RBFOX3: variants seen among roughly 807,000 people sequenced by gnomAD.
RBFOX3 encodes the protein RNA binding fox-1 homolog 3.
A neutral mutation model predicts 48.7 loss-of-function variants in RBFOX3; 17 were observed. The observed-to-expected ratio is 0.35, with a 90% CI of 0.24 to 0.52. The LOEUF (loss-of-function observed/expected upper bound fraction) is 0.52, where lower values mean the gene tolerates loss of function less well. RBFOX3 is among the 20% of genes least tolerant of loss of function. RBFOX3 has a pLI of 0.94. For missense variants in RBFOX3, 382 were observed against 497.5 expected, an observed-to-expected ratio of 0.77 and a Z score of 2.21; for synonymous variants, 212 against 209.5, an observed-to-expected ratio of 1.01 and a Z score of -0.10.
chr17:79,618,399 C>T, the RBFOX3 span, among the ~76,000 whole-genome samples: 1 of 152,110 alleles, frequency 6.6e-6, no homozygotes, highest in Non-Finnish European at 1.5e-5. Flanking sequence ...ATAATACCAC[C>T]CAGAAAACAA....
chr17:79,232,865 C>A (rs568926540), intron 4 of RBFOX3, among the ~76,000 whole-genome samples: 1 of 152,290 alleles, frequency 6.6e-6, no homozygotes, highest in South Asian at 2.1e-4. Flanking sequence ...ACTGACAACA[C>A]CAAGGGTTGC....
At position 79,390,622 on chromosome 17, in the gene RBFOX3, C is replaced by T. The variant is rs1350907933; in HGVS notation, c.-174-82798G>A. 1.3e-5 allele frequency among the ~76,000 whole-genome samples: 2 copies of T among 152,142 alleles called. No individual in the cohort carries two copies. The highest frequency in any genetic ancestry group is 2.4e-5 in the African/African-American group (1 of 41,438). ...CCTCCCAAGTAGCTGGGATTACAGG[C>T]GCCTGCCACCAAACCCAGCTAATTT... On this transcript the variant is annotated intron_variant, in intron 2 of 14. Transcript: ENST00000693108. The surrounding 1 kb of genome is among the most constrained non-coding windows in gnomAD (Gnocchi z 4.2).
intron 11 of RBFOX3, 111 bp downstream of exon 11, chr17:79,097,181 C>CG (rs1039290582): frequency 7.6e-6 from 7 of 921,922 alleles, no homozygotes; most frequent in Admixed American, 6.4e-5. Flanking sequence ...CCTCCCCCCC[C>CG]CCAGGTCTGG....
Position 79,595,463 on chromosome 17 carries a change from G to A in RBFOX3, c.-320+15363C>T, listed in dbSNP as rs1169999157. ...CGCTTTAGGATTAAATCACACTGAC[G>A]GTTCTGCCGTCTTTCTTTTCCACGA... is the stretch of plus-strand genomic sequence containing the variant. On this transcript the variant is annotated intron_variant, in intron 1 of 14. Coordinates refer to ENST00000693108, the MANE Select transcript of RBFOX3 (RefSeq NM_001350451.2). Among the ~76,000 whole-genome samples, 5 of 152,318 alleles carry A rather than the reference G, an allele frequency of 3.3e-5. 1 individual carries two copies. The highest frequency in any genetic ancestry group is 2.0e-4 in the Admixed American group (3 of 15,300).
intron 4 of RBFOX3, among the ~76,000 whole-genome samples, chr17:79,177,209 T>TA: frequency 6.7e-6 from 1 of 149,836 alleles, no homozygotes; most frequent in African/African-American, 2.5e-5. Flanking sequence ...CCTCCTCCTC[T>TA]CCCCCCCCGC....
intron 1 of RBFOX3, among the ~76,000 whole-genome samples, chr17:79,584,134 T>C (rs941127549): frequency 6.6e-6 from 1 of 152,100 alleles, no homozygotes; most frequent in Non-Finnish European, 1.5e-5. Flanking sequence ...AACAAGCATA[T>C]GGAAAAATGC....
chr17:79,241,081 C>T (rs2062297007), intron 3 of RBFOX3, among the ~76,000 whole-genome samples: 1 of 152,148 alleles, frequency 6.6e-6, no homozygotes, highest in Admixed American at 6.5e-5. Context: ...GTTTAAGTCA[C>T]CTTCCCACCT....
At position 79,243,064 on chromosome 17, in the gene RBFOX3, G is replaced by A. The variant is rs1023621859; in HGVS notation, c.-73-7259C>T. Reference sequence around the variant, plus strand: ...TTTCTGGGGTTATGCCATTGATGATGTCATTTCAGCTTTACAACCACCCTA... The same window carrying A: ...TTTCTGGGGTTATGCCATTGATGATATCATTTCAGCTTTACAACCACCCTA... On this transcript the variant is annotated intron_variant, in intron 3 of 14. Coordinates refer to ENST00000693108, the MANE Select transcript of RBFOX3 (RefSeq NM_001350451.2). This position sits in a 1 kb window ranked among gnomAD's most constrained non-coding sequence, Gnocchi z 7.9. Among the ~76,000 whole-genome samples, 5 of 152,134 alleles carry A rather than the reference G, an allele frequency of 3.3e-5. No individual in the cohort carries two copies. Among genetic ancestry groups the A allele is most frequent in the African/African-American group, 1.2e-4 (5 of 41,424 alleles).
chr17:79,661,737 T>C, the RBFOX3 span, among the ~76,000 whole-genome samples: 1 of 152,190 alleles, frequency 6.6e-6, no homozygotes. Flanking sequence ...GATGCCCCAA[T>C]CATTCTATAT....
chr17:79,596,342 G>A (rs2093569015), intron 1 of RBFOX3, among the ~76,000 whole-genome samples: 5 of 152,228 alleles, frequency 3.3e-5, no homozygotes, highest in Admixed American at 3.3e-4. Context: ...CAGATCAGCG[G>A]GGTCCTTGTT....
At chr17:79,395,276 C>G (rs746375333) in intron 2 of RBFOX3, among the ~76,000 whole-genome samples, 44 of 152,346 alleles carry the variant, frequency 2.9e-4, no homozygotes, top group Non-Finnish European at 5.9e-4. Context: ...CTTGAGCAAG[C>G]CTTTGGCTCC....
At chr17:79,637,161 T>C in the RBFOX3 span, among the ~76,000 whole-genome samples, 1 of 152,040 alleles carries the variant, frequency 6.6e-6, no homozygotes, top group South Asian at 2.1e-4. Context: ...AAAGCAAACA[T>C]TGAAAGAGCT....
intron 2 of RBFOX3, among the ~76,000 whole-genome samples, chr17:79,371,938 T>C (rs1207142993): frequency 1.3e-5 from 2 of 152,054 alleles, no homozygotes; most frequent in Admixed American, 1.3e-4. Context: ...TCGAGGCTCC[T>C]AAGCAGGCCA....
intron 4 of RBFOX3, among the ~76,000 whole-genome samples, chr17:79,186,244 T>C (rs773008893): frequency 3.9e-5 from 6 of 152,220 alleles, no homozygotes; most frequent in Non-Finnish European, 8.8e-5. Context: ...GGACTGAGAA[T>C]AGCAGAATGG....
chr17:79,596,527 C>T (rs1023910644), intron 1 of RBFOX3, among the ~76,000 whole-genome samples: 3 of 152,290 alleles, frequency 2.0e-5, no homozygotes, highest in African/African-American at 4.8e-5. Flanking sequence ...GGCCACCCAC[C>T]GTGGGCCCAG....
rs2077914363 is a variant in RBFOX3 at position 79,477,101 on chromosome 17, TGG to T, written c.-175+5351_-175+5352del. Among the ~76,000 whole-genome samples the T allele has an allele frequency of 1.2e-3, 172 of 147,690 alleles. No individual in the cohort carries two copies. The highest frequency in any genetic ancestry group is 4.2e-3 in the African/African-American group (168 of 39,988). ...TACAAAAATTAGCCAGGCGTGGTGG[TGG>T]GCGCCTGTAATCCCAGTTACTCGGG... On this transcript the variant is annotated intron_variant, in intron 2 of 14. Coordinates refer to ENST00000693108, the MANE Select transcript of RBFOX3 (RefSeq NM_001350451.2). This position sits in a 1 kb window ranked among gnomAD's most constrained non-coding sequence, Gnocchi z 4.8.
At position 79,364,060 on chromosome 17, in the gene RBFOX3, A is replaced by G. The variant is rs578004352; in HGVS notation, c.-174-56236T>C. Reference sequence around the variant, plus strand: ...AGGTCCTCAGAGAATCCAGCCCTACAGGAAACAGCCACCAGCCACCCACCC... The same window carrying G: ...AGGTCCTCAGAGAATCCAGCCCTACGGGAAACAGCCACCAGCCACCCACCC... On this transcript the variant is annotated intron_variant, in intron 2 of 14. Coordinates refer to ENST00000693108, the MANE Select transcript of RBFOX3 (RefSeq NM_001350451.2). The surrounding 1 kb of genome is among the most constrained non-coding windows in gnomAD (Gnocchi z 5.1). 1.8e-4 allele frequency among the ~76,000 whole-genome samples: 28 copies of G among 152,280 alleles called. No homozygotes were observed. The South Asian group carries it at 5.2e-3, about 28-fold the overall frequency.
chr17:79,157,802 C>A (rs1056812699), intron 4 of RBFOX3, among the ~76,000 whole-genome samples: 6 of 152,206 alleles, frequency 3.9e-5, no homozygotes, highest in Non-Finnish European at 8.8e-5. Flanking sequence ...ACACCCCACT[C>A]CCTGGCTGGC....
At position 79,299,596 on chromosome 17, in the gene RBFOX3, G is replaced by C. The variant is rs999211694; in HGVS notation, c.-74+8128C>G. ...CTGCGCCATTTCCTACCAGGGGTTT[G>C]AGCATCGTCAGATCGTGGGGTTTTT... On this transcript the variant is annotated intron_variant, in intron 3 of 14. Transcript: ENST00000693108. This position sits in a 1 kb window ranked among gnomAD's most constrained non-coding sequence, Gnocchi z 4.5. 6.6e-6 allele frequency among the ~76,000 whole-genome samples: 1 copy of C among 152,182 alleles called. No homozygotes were observed. The highest frequency in any genetic ancestry group is 6.5e-5 in the Admixed American group (1 of 15,286).
Sources: gnomAD v4.1 joint callset for allele counts (sites outside exome capture counted in the v4.1 genomes callset) on GRCh38, gnomAD v4.1.1 for gene constraint, Gnocchi (gnomAD v3.1) non-coding constraint, MANE v1.5 for transcripts, NCBI Gene and HGNC (gene_info 2026-07-23, HGNC 2026-07-21) for gene names.